The following TGIF2 variants were observed in gnomAD, a reference collection of about 807,000 sequenced individuals.
TGIF2 encodes the protein TGFB induced factor homeobox 2, also known as homeobox protein TGIF2.
A neutral mutation model predicts 15.1 loss-of-function variants in TGIF2; 5 were observed. The observed-to-expected ratio is 0.33, with a 90% CI of 0.17 to 0.70. The LOEUF (loss-of-function observed/expected upper bound fraction) is 0.70. Among genes scored for constraint, TGIF2 ranks in the 30% least tolerant of loss-of-function variants. The pLI is 0.67. For missense variants in TGIF2, 264 were observed against 302.5 expected (o/e 0.87, Z 0.94); for synonymous variants, 131 against 128.9 (o/e 1.02, Z -0.11).
intron 2 of TGIF2, among the ~76,000 whole-genome samples, chr20:36,585,808 G>T (rs1279360871): frequency 6.6e-6 from 1 of 152,156 alleles, no homozygotes; most frequent in Non-Finnish European, 1.5e-5. Flanking sequence ...AGGGTTCTGG[G>T]CCCCAATCCT....
chr20:36,578,908 A>AC lies in TGIF2; in HGVS notation c.138dup (p.Ser47LeufsTer21), dbSNP rs1247796093. On this transcript the variant is annotated frameshift_variant, in exon 2 of 3. Transcript: ENST00000373872. LOFTEE classifies it high-confidence loss of function. ...CTGTACTTGCACCGCTACAACGCCT[A>AC]CCCCTCAGAGCAGGAGAAGCTGAGC... 1 of 1,614,122 alleles carries AC rather than the reference A, an allele frequency of 6.2e-7. No homozygotes were observed. Among genetic ancestry groups the AC allele is most frequent in the Admixed American group, 1.7e-5 (1 of 60,000 alleles).
intron 2 of TGIF2, among the ~76,000 whole-genome samples, chr20:36,581,148 A>C (rs764497144): frequency 6.6e-6 from 1 of 152,138 alleles, no homozygotes; most frequent in Non-Finnish European, 1.5e-5. Flanking sequence ...CCTACTGGTC[A>C]GTGTTTGGCA....
In TGIF2 at chr20:36,578,767, T is replaced by G. The variant is rs1371428998; in HGVS notation, c.-8T>G. ...TTTACCCAAGGTCCAGCCTAGCCCC[T>G]AGGCACCATGTCGGACAGTGATCTA... On this transcript the variant is annotated 5_prime_UTR_variant, in exon 2 of 3. Transcript: ENST00000373872. The G allele has an allele frequency of 6.2e-7, 1 of 1,608,162 alleles. No individual in the cohort carries two copies. Among genetic ancestry groups the G allele is most frequent in the African/African-American group, 1.3e-5 (1 of 74,854 alleles).
At position 36,593,620 on chromosome 20, in the gene TGIF2, C is replaced by G. The variant is rs1403812453; in HGVS notation, c.*2189C>G. The G allele has an allele frequency of 6.5e-6, 1 of 152,778 alleles. No individual in the cohort carries two copies. The highest frequency in any genetic ancestry group is 2.4e-5 in the African/African-American group (1 of 41,466). The allele number at this position is 152,778 out of a possible 1,614,324, so 9.5% of individuals were successfully genotyped here. A position where few individuals can be genotyped will look rare whatever the true frequency, so the allele number is the denominator to read the frequency against. ...TTGCCCAGCCTCTTCCATCCCAGCC[C>G]TGTCAGTGAGCCCAGGTCTGGTGCA... On this transcript the variant is annotated 3_prime_UTR_variant, in exon 3 of 3. Transcript: ENST00000373872.
intron 2 of TGIF2, among the ~76,000 whole-genome samples, chr20:36,581,562 T>C (rs1232241286): frequency 6.6e-6 from 1 of 152,174 alleles, no homozygotes; most frequent in Non-Finnish European, 1.5e-5. Flanking sequence ...TCACACTCTA[T>C]TGGAATTACT....
chr20:36,583,875 C>T (rs562813103), intron 2 of TGIF2, among the ~76,000 whole-genome samples: 1 of 151,880 alleles, frequency 6.6e-6, no homozygotes, highest in African/African-American at 2.4e-5. Flanking sequence ...CCAGCCGGGG[C>T]AACAGACTGA....
At position 36,591,606 on chromosome 20, in the gene TGIF2, C is replaced by T; in HGVS notation, c.*175C>T. 1.5e-6 allele frequency: 1 copy of T among 666,782 alleles called. No individual in the cohort carries two copies. Among genetic ancestry groups the T allele is most frequent in the Non-Finnish European group, 2.5e-6 (1 of 406,144 alleles). 41.3% of individuals were successfully genotyped at this position (666,782 alleles called of 1,614,324 possible). A position where few individuals can be genotyped will look rare whatever the true frequency, so the allele number is the denominator to read the frequency against. Reference sequence around the variant, plus strand: ...TGGCACCACTGCACTGTGATGGGGGCCCTCTCCTCTGCTGACTCTGCCGTT... The same window carrying T: ...TGGCACCACTGCACTGTGATGGGGGTCCTCTCCTCTGCTGACTCTGCCGTT... On this transcript the variant is annotated 3_prime_UTR_variant, in exon 3 of 3. Transcript: ENST00000373872. This position sits in a 1 kb window ranked among gnomAD's most constrained non-coding sequence, Gnocchi z 5.3.
At chr20:36,580,322 A>G (rs1279705887) in intron 2 of TGIF2, among the ~76,000 whole-genome samples, 1 of 152,162 alleles carries the variant, frequency 6.6e-6, no homozygotes, top group Non-Finnish European at 1.5e-5. Flanking sequence ...GGCAATGGTT[A>G]ATCCAAGTCT....
At chr20:36,583,731 T>A (rs1019933172) in intron 2 of TGIF2, among the ~76,000 whole-genome samples, 1 of 152,108 alleles carries the variant, frequency 6.6e-6, no homozygotes, top group Non-Finnish European at 1.5e-5. Context: ...ACCCCGTCTC[T>A]ACTAAAAATA....
At position 36,579,073 on chromosome 20, in the gene TGIF2, CTG is replaced by C; in HGVS notation, c.192+108_192+109del. The C allele has an allele frequency of 2.8e-6, 4 of 1,431,328 alleles. No individual in the cohort carries two copies. The South Asian group carries it at 5.7e-5, about 20-fold the overall frequency. 88.7% of individuals were successfully genotyped at this position (1,431,328 alleles called of 1,614,324 possible). ...GTCTTGGGCCACTCACTTTCACTGTCTGGGCTTCGGTTTCTTCTTGGGTTAGG... is the reference window on the plus strand; with the variant it reads ...GTCTTGGGCCACTCACTTTCACTGTCGGCTTCGGTTTCTTCTTGGGTTAGG... On this transcript the variant is annotated intron_variant, in intron 2 of 2. Coordinates refer to ENST00000373872, the MANE Select transcript of TGIF2 (RefSeq NM_021809.7).
intron 1 of TGIF2, chr20:36,574,652 C>T (rs1449501293): frequency 6.6e-6 from 1 of 152,254 alleles, no homozygotes; most frequent in African/African-American, 2.4e-5. Context: ...TTTCTTTCTT[C>T]CAGAGCCCCC....
At chr20:36,576,084 T>C (rs1430265461) in intron 1 of TGIF2, among the ~76,000 whole-genome samples, 10 of 148,936 alleles carry the variant, frequency 6.7e-5, no homozygotes, top group African/African-American at 1.2e-4. Context: ...AGAGCGAGAC[T>C]CCATCTCAAA....
chr20:36,580,016 C>G (rs1164689260), intron 2 of TGIF2, among the ~76,000 whole-genome samples: 2 of 152,288 alleles, frequency 1.3e-5, no homozygotes, highest in South Asian at 2.1e-4. Context: ...TTTGCCTCTC[C>G]CCTTCCTGGA....
chr20:36,586,669 T>C (rs2038663669), intron 2 of TGIF2, among the ~76,000 whole-genome samples: 1 of 147,386 alleles, frequency 6.8e-6, no homozygotes, highest in Non-Finnish European at 1.5e-5. Flanking sequence ...CACTCCAGCC[T>C]GGGCAAAGAA....
chr20:36,589,968 C>T (rs1173917964), intron 2 of TGIF2, among the ~76,000 whole-genome samples: 3 of 151,788 alleles, frequency 2.0e-5, no homozygotes, highest in Non-Finnish European at 4.4e-5. Flanking sequence ...GGACTGCAGG[C>T]GTGAGCTGCA....
intron 1 of TGIF2, among the ~76,000 whole-genome samples, chr20:36,577,270 G>A (rs1009107229): frequency 7.9e-5 from 12 of 151,934 alleles, no homozygotes; most frequent in Non-Finnish European, 4.4e-5. Context: ...CATGATCTCA[G>A]CTCACTGCAA....
chr20:36,579,759 CAGGGGG>C lies in TGIF2; in HGVS notation c.192+794_192+799del, dbSNP rs1393013736. ...CTTGATTTCCTTATCTGTAAAGGGG[CAGGGGG>C]TACACAGAGTCTTCCCCTGCCTGGT... On this transcript the variant is annotated intron_variant, in intron 2 of 2. Transcript: ENST00000373872. Among the ~76,000 whole-genome samples, 5 of 152,132 alleles carry C rather than the reference CAGGGGG, an allele frequency of 3.3e-5. 1 individual carries two copies. Among genetic ancestry groups the C allele is most frequent in the Admixed American group, 3.3e-4 (5 of 15,270 alleles).
intron 1 of TGIF2, 37 bp downstream of exon 1, chr20:36,573,782 G>C (rs895821197): frequency 6.6e-6 from 1 of 152,142 alleles, no homozygotes; most frequent in Non-Finnish European, 1.5e-5. Context: ...AGATGGGGGT[G>C]GGGGCGCGCG....
chr20:36,580,519 A>G (rs1287916724), intron 2 of TGIF2, among the ~76,000 whole-genome samples: 1 of 152,002 alleles, frequency 6.6e-6, no homozygotes. Context: ...GAAGAATTCA[A>G]GGCTCACTGG....
Sources: allele counts gnomAD v4.1 joint callset (sites outside exome capture counted in the v4.1 genomes callset), GRCh38; gene constraint gnomAD v4.1.1; non-coding constraint Gnocchi (gnomAD v3.1); transcripts MANE v1.5; gene names NCBI Gene and HGNC (gene_info 2026-07-23, HGNC 2026-07-21).